KDM2A: variants seen among roughly 807,000 people sequenced by gnomAD.
The protein encoded by KDM2A is lysine-specific demethylase 2A.
A neutral mutation model predicts 137.3 loss-of-function variants in KDM2A; 3 were observed. The ratio of observed to expected loss-of-function variants is 0.02; its 90% CI spans 0.01 to 0.06. The LOEUF is 0.06. Ranked by LOEUF, KDM2A falls within the 10% of genes least tolerant of loss-of-function variation. The pLI is 1.00. For missense variants in KDM2A, 738 were observed against 1,510.6 expected (o/e 0.49, Z 8.48); for synonymous variants, 512 against 541.5 (o/e 0.95, Z 0.76).
intron 2 of KDM2A, among the ~76,000 whole-genome samples, chr11:67,170,778 T>A (rs1186630667): frequency 2.6e-5 from 4 of 152,058 alleles, no homozygotes; most frequent in African/African-American, 9.7e-5. Context: ...ACACCTTCTC[T>A]CTCTCTGCCA....
At chr11:67,232,059 G>GACTGAACCAGA in intron 12 of KDM2A, 99 bp downstream of exon 12, 2 of 1,195,758 alleles carry the variant, frequency 1.7e-6, no homozygotes, top group Non-Finnish European at 2.3e-6. Context: ...GGTGATCTCT[G>GACTGAACCAGA]GTTCAGTCAG....
chr11:67,204,851 TTATGGTCGAC>T (rs1857755380), intron 5 of KDM2A, among the ~76,000 whole-genome samples: 1 of 152,198 alleles, frequency 6.6e-6, no homozygotes, highest in South Asian at 2.1e-4. Flanking sequence ...TCATTCCTTT[TTATGGTCGAC>T]TATTTCCTTG....
intron 5 of KDM2A, among the ~76,000 whole-genome samples, chr11:67,200,450 C>T (rs1479297648): frequency 6.6e-6 from 1 of 152,188 alleles, no homozygotes; most frequent in Non-Finnish European, 1.5e-5. Flanking sequence ...ATCTCCTCAC[C>T]TCATGATCCG....
chr11:67,182,886 T>G (rs370358741), intron 5 of KDM2A, among the ~76,000 whole-genome samples: 8 of 152,362 alleles, frequency 5.3e-5, no homozygotes, highest in African/African-American at 1.7e-4. Flanking sequence ...AAGGGACTTT[T>G]TAAATTTTCT....
rs748753950 is a variant in KDM2A, at chr11:67,121,385, C to T, written c.42+27C>T. 1.9e-6 allele frequency: 3 copies of T among 1,604,836 alleles called. No homozygotes were observed. In the South Asian group the frequency reaches 3.3e-5, roughly 18 times the overall value. On this transcript the variant is annotated intron_variant, in intron 2 of 20. Transcript: ENST00000529006. ...TTAGTATTTTCTCCCCCCACCACAC[C>T]CTCCAGTTTTAAAGTAGGATAACTA...
rs1343094402 is a variant in KDM2A, at chr11:67,119,719, G to A, written c.-414G>A. On this transcript the variant is annotated 5_prime_UTR_variant, in exon 1 of 21. Coordinates refer to ENST00000529006, the MANE Select transcript of KDM2A (RefSeq NM_012308.3). ...ACCAGCCCCTGCTGGCCGAGGGCAC[G>A]GCGAGGAGGGCGCTCCCTGCGGCCG... 6.7e-6 allele frequency: 1 copy of A among 149,908 alleles called. No individual in the cohort carries two copies. Among genetic ancestry groups the A allele is most frequent in the African/African-American group, 2.4e-5 (1 of 41,154 alleles). 9.3% of individuals were successfully genotyped at this position (149,908 alleles called of 1,614,324 possible). A position where few individuals can be genotyped will look rare whatever the true frequency, so the allele number is the denominator to read the frequency against.
At chr11:67,186,388 C>T (rs921466610) in intron 5 of KDM2A, among the ~76,000 whole-genome samples, 1 of 152,152 alleles carries the variant, frequency 6.6e-6, no homozygotes, top group African/African-American at 2.4e-5. Flanking sequence ...AAACTGTCAA[C>T]CAAGCATCCT....
intron 2 of KDM2A, among the ~76,000 whole-genome samples, chr11:67,124,194 G>A (rs1855663191): frequency 6.6e-6 from 1 of 151,634 alleles, no homozygotes; most frequent in Admixed American, 6.6e-5. Context: ...AGTAAAGATG[G>A]AGTTTCACCA....
intron 12 of KDM2A, among the ~76,000 whole-genome samples, chr11:67,237,560 G>GT (rs1297020460): frequency 6.6e-6 from 1 of 151,956 alleles, no homozygotes; most frequent in Non-Finnish European, 1.5e-5. Flanking sequence ...GACCTCCCAA[G>GT]TGCTAGGATT....
chr11:67,241,866 C>T lies in KDM2A; in HGVS notation c.1480-1143C>T, dbSNP rs574280044. Among the ~76,000 whole-genome samples, 11 of 152,176 alleles carry T rather than the reference C, an allele frequency of 7.2e-5. No homozygotes were observed. The South Asian group carries it at 1.5e-3, about 20-fold the overall frequency. ...AGCGGATCACCTGAGGTCAGGAGTT[C>T]GAGACCAGCCTGGCCAACATGGTGA... On this transcript the variant is annotated intron_variant, in intron 12 of 20. Transcript: ENST00000529006.
At chr11:67,231,500 T>C in intron 11 of KDM2A, 66 bp from the exon 12 acceptor site, 1 of 1,409,906 alleles carries the variant, frequency 7.1e-7, no homozygotes, top group Non-Finnish European at 9.5e-7. Context: ...TCATGCCACC[T>C]ATTTCTCTTG....
At chr11:67,197,279 T>A (rs1857506055) in intron 5 of KDM2A, 1 of 151,890 alleles carries the variant, frequency 6.6e-6, no homozygotes, top group African/African-American at 2.4e-5. Context: ...GCTCAAGCGA[T>A]CCTCCCACCT....
At chr11:67,231,118 A>G (rs1017116835) in intron 11 of KDM2A, among the ~76,000 whole-genome samples, 14 of 151,910 alleles carry the variant, frequency 9.2e-5, no homozygotes, top group Admixed American at 5.9e-4. Context: ...CACTATACCC[A>G]GCTAATTTTT....
chr11:67,175,788 A>G (rs1856963747), intron 2 of KDM2A, among the ~76,000 whole-genome samples: 1 of 152,212 alleles, frequency 6.6e-6, no homozygotes, highest in East Asian at 1.9e-4. Context: ...AAACAAGCAT[A>G]TTAGAACTAA....
In KDM2A at chr11:67,199,040, A is replaced by G. The variant is rs562825050; in HGVS notation, c.308-8470A>G. 9.2e-5 allele frequency among the ~76,000 whole-genome samples: 14 copies of G among 152,224 alleles called. No homozygotes were observed. The South Asian group carries it at 2.9e-3, about 32-fold the overall frequency. Reference sequence around the variant, plus strand: ...GTGATTCACCCGCCTTGGCCTCCCCAAAGTGCTGAGATTACAGGCATGAGC... The same window carrying G: ...GTGATTCACCCGCCTTGGCCTCCCCGAAGTGCTGAGATTACAGGCATGAGC... On this transcript the variant is annotated intron_variant, in intron 5 of 20. Transcript: ENST00000529006.
chr11:67,203,486 ATT>A, intron 5 of KDM2A, among the ~76,000 whole-genome samples: 1 of 147,518 alleles, frequency 6.8e-6, no homozygotes, highest in Non-Finnish European at 1.5e-5. Context: ...ATTAATATAT[ATT>A]AATATATTTT....
intron 11 of KDM2A, among the ~76,000 whole-genome samples, chr11:67,230,586 A>T (rs1858679972): frequency 6.6e-6 from 1 of 151,972 alleles, no homozygotes; most frequent in Admixed American, 6.6e-5. Flanking sequence ...TGATTGCATC[A>T]CTGCACTCCA....
intron 2 of KDM2A, among the ~76,000 whole-genome samples, chr11:67,134,412 C>T (rs1030766370): frequency 2.6e-5 from 4 of 152,190 alleles, no homozygotes; most frequent in Non-Finnish European, 5.9e-5. Context: ...GTTGACAAAC[C>T]CTGATGTAAA....
intron 2 of KDM2A, among the ~76,000 whole-genome samples, chr11:67,130,345 A>G (rs887502043): frequency 7.2e-5 from 11 of 152,034 alleles, no homozygotes; most frequent in Non-Finnish European, 1.5e-4. Flanking sequence ...GGGTTTCACC[A>G]TGTTGGTCAG....
Sources: allele counts gnomAD v4.1 joint callset (sites outside exome capture counted in the v4.1 genomes callset), GRCh38; gene constraint gnomAD v4.1.1; transcripts MANE v1.5; gene names NCBI Gene and HGNC (gene_info 2026-07-23, HGNC 2026-07-21).